The following NUBPL variants were observed in gnomAD, a reference collection of about 807,000 sequenced individuals.
NUBPL encodes the protein NUBP iron-sulfur cluster assembly factor, mitochondrial, also known as iron-sulfur cluster transfer protein NUBPL.
In NUBPL, 31 loss-of-function variants were observed where a neutral mutation model predicts 45.7. That is an observed-to-expected ratio of 0.68 (90% CI 0.51 to 0.92). The LOEUF (loss-of-function observed/expected upper bound fraction) is 0.92, where lower values mean the gene tolerates loss of function less well. NUBPL is among the 40% of genes least tolerant of loss of function. The pLI is 0.00. For missense variants in NUBPL, 401 were observed against 398.7 expected, an observed-to-expected ratio of 1.01 and a Z score of -0.05; for synonymous variants, 144 against 140.9, an observed-to-expected ratio of 1.02 and a Z score of -0.15.
At chr14:31,581,322 A>G (rs2139494628) in intron 3 of NUBPL, among the ~76,000 whole-genome samples, 1 of 151,256 alleles carries the variant, frequency 6.6e-6, no homozygotes, top group Non-Finnish European at 1.5e-5. Flanking sequence ...AACCATCCTC[A>G]CTATTCATCC....
intron 7 of NUBPL, among the ~76,000 whole-genome samples, chr14:31,794,788 G>A (rs369433053): frequency 3.0e-5 from 1 of 33,056 alleles, no homozygotes; most frequent in African/African-American, 1.5e-4. Context: ...TTGGTGTTTT[G>A]GACATGAAGT....
Position 31,846,573 on chromosome 14 carries a change from C to T in NUBPL, c.796C>T (p.Leu266Phe). 2 of 1,613,540 alleles carry T rather than the reference C, an allele frequency of 1.2e-6. No individual in the cohort carries two copies. The highest frequency in any genetic ancestry group is 1.7e-6 in the Non-Finnish European group (2 of 1,179,766). Residue 266 changes from leucine (L) to phenylalanine (F), a missense_variant, in exon 9 of 11, where the codon CTT becomes TTT. Physicochemically the swap from Leu to Phe is conservative, Grantham distance 22. Coordinates refer to ENST00000281081, the MANE Select transcript of NUBPL (RefSeq NM_025152.3). The part of the protein sequence containing the change: ...ADGARKLAQT[L>F]GLEVLGDIPL... ...TGGTGCAAGGAAACTAGCACAGACC[C>T]TTGGTCTTGAAGTTCTAGGTAAGAC...
intron 6 of NUBPL, among the ~76,000 whole-genome samples, chr14:31,740,509 T>C (rs547439338): frequency 6.6e-6 from 1 of 152,364 alleles, no homozygotes; most frequent in South Asian, 2.1e-4. Context: ...GTTTGTTTTC[T>C]TGTTGTTGAG....
intron 6 of NUBPL, among the ~76,000 whole-genome samples, chr14:31,745,567 T>TCC (rs2038381010): frequency 6.6e-6 from 1 of 152,126 alleles, no homozygotes; most frequent in African/African-American, 2.4e-5. Flanking sequence ...GTGCTGGTGT[T>TCC]GATTTCTTTT....
intron 4 of NUBPL, among the ~76,000 whole-genome samples, chr14:31,670,766 A>C (rs1230230264): frequency 6.6e-6 from 1 of 152,152 alleles, no homozygotes; most frequent in Non-Finnish European, 1.5e-5. Context: ...AGCTTTATTG[A>C]AGATCAGATG....
intron 6 of NUBPL, among the ~76,000 whole-genome samples, chr14:31,774,123 C>A (rs2138773390): frequency 6.6e-6 from 1 of 152,332 alleles, no homozygotes; most frequent in South Asian, 2.1e-4. Flanking sequence ...AGCTCTCTGT[C>A]TTAGCAGTGA....
intron 6 of NUBPL, among the ~76,000 whole-genome samples, chr14:31,761,457 G>T (rs2038807605): frequency 6.6e-6 from 1 of 152,168 alleles, no homozygotes; most frequent in South Asian, 2.1e-4. Flanking sequence ...TAAAGTAAAA[G>T]AGTGAAGGCG....
chr14:31,674,659 G>A (rs966167072), intron 6 of NUBPL, among the ~76,000 whole-genome samples: 1 of 152,082 alleles, frequency 6.6e-6, no homozygotes, highest in African/African-American at 2.4e-5. Context: ...ATATAGAATA[G>A]TTGTGTTAAT....
At position 31,786,452 on chromosome 14, in the gene NUBPL, T is replaced by TA. The variant is rs200486253; in HGVS notation, c.514-1327dup. Reference sequence around the variant, plus strand: ...TATTGATCTTTCAATTTCTCAAAGTTAGCAAGCTCTTTTCTGTGCACATTT... The same window carrying TA: ...TATTGATCTTTCAATTTCTCAAAGTTAAGCAAGCTCTTTTCTGTGCACATTT... On this transcript the variant is annotated intron_variant, in intron 6 of 10. Coordinates refer to ENST00000281081, the MANE Select transcript of NUBPL (RefSeq NM_025152.3). Among the ~76,000 whole-genome samples the TA allele has an allele frequency of 6.5e-3, 994 of 152,340 alleles. 12 individuals are homozygous for TA. The highest frequency in any genetic ancestry group is 0.022 in the African/African-American group (931 of 41,576).
intron 4 of NUBPL, among the ~76,000 whole-genome samples, chr14:31,629,686 G>A (rs1386099314): frequency 6.6e-6 from 1 of 152,170 alleles, no homozygotes; most frequent in Non-Finnish European, 1.5e-5. Flanking sequence ...GAATGGGGAG[G>A]TAGAGAGTGG....
intron 4 of NUBPL, among the ~76,000 whole-genome samples, chr14:31,628,634 C>G (rs1026415904): frequency 1.3e-5 from 2 of 151,172 alleles, no homozygotes; most frequent in Non-Finnish European, 3.0e-5. Context: ...CCTTTTTTTT[C>G]TGTTCATCCT....
intron 10 of NUBPL, among the ~76,000 whole-genome samples, chr14:31,851,269 G>T (rs8004792): frequency 0.26 from 39,319 of 149,486 alleles, 7,826 homozygotes; most frequent in African/African-American, 0.57. Flanking sequence ...TAACTAATGG[G>T]TATAGCTTTA....
At chr14:31,670,114 C>G (rs1029600311) in intron 4 of NUBPL, among the ~76,000 whole-genome samples, 7 of 152,036 alleles carry the variant, frequency 4.6e-5, no homozygotes, top group African/African-American at 1.2e-4. Context: ...GTAGGTGTTG[C>G]CTTTTCCCCG....
At chr14:31,737,101 A>G (rs1376873465) in intron 6 of NUBPL, among the ~76,000 whole-genome samples, 1 of 131,272 alleles carries the variant, frequency 7.6e-6, no homozygotes, top group Non-Finnish European at 1.6e-5. Flanking sequence ...ATATCAATCA[A>G]TGGCTTGTAA....
intron 4 of NUBPL, among the ~76,000 whole-genome samples, chr14:31,663,214 CT>C (rs2036318103): frequency 6.6e-6 from 1 of 152,108 alleles, no homozygotes. Flanking sequence ...TGATAGTTTT[CT>C]TTTGCTGTGT....
chr14:31,824,250 TA>T (rs1467739436), intron 7 of NUBPL, among the ~76,000 whole-genome samples: 7 of 152,090 alleles, frequency 4.6e-5, no homozygotes, highest in African/African-American at 1.7e-4. Flanking sequence ...GTTAAGTCAT[TA>T]TCTAGTCATA....
Position 31,724,453 on chromosome 14 carries a change from A to G in NUBPL, c.513+50879A>G, listed in dbSNP as rs2037876773. 2.1e-3 allele frequency among the ~76,000 whole-genome samples: 3 copies of G among 1,396 alleles called. No individual in the cohort carries two copies. The Admixed American group carries it at 0.037, about 17-fold the overall frequency. The allele number at this position is 1,396 out of a possible 152,430, so 0.9% of individuals were successfully genotyped here. A position where few individuals can be genotyped will look rare whatever the true frequency, so the allele number is the denominator to read the frequency against. Reference sequence around the variant, plus strand: ...ACTGGCTCTTTAGCAGGTTTTTAAAAATGTCCTAAACCTAGCATCAGTATT... The same window carrying G: ...ACTGGCTCTTTAGCAGGTTTTTAAAGATGTCCTAAACCTAGCATCAGTATT... On this transcript the variant is annotated intron_variant, in intron 6 of 10. Transcript: ENST00000281081.
intron 4 of NUBPL, among the ~76,000 whole-genome samples, chr14:31,670,720 G>T (rs1295048193): frequency 2.0e-5 from 3 of 152,138 alleles, no homozygotes; most frequent in African/African-American, 7.2e-5. Context: ...ACCATTTATG[G>T]AATAGAGAAT....
chr14:31,590,461 CCAG>C (rs1049738363), intron 3 of NUBPL, among the ~76,000 whole-genome samples: 4 of 152,120 alleles, frequency 2.6e-5, no homozygotes, highest in African/African-American at 9.7e-5. Flanking sequence ...GGTTTCAAAA[CCAG>C]CTGCTGGGCC....
Sources: allele counts gnomAD v4.1 joint callset (sites outside exome capture counted in the v4.1 genomes callset), GRCh38; gene constraint gnomAD v4.1.1; transcripts MANE v1.5; gene names NCBI Gene and HGNC (gene_info 2026-07-23, HGNC 2026-07-21).